SV2B: variants seen among roughly 807,000 people sequenced by gnomAD.
SV2B encodes the protein synaptic vesicle glycoprotein 2B.
A neutral mutation model predicts 73.9 loss-of-function variants in SV2B; 41 were observed. The ratio of observed to expected loss-of-function variants is 0.56; its 90% confidence interval spans 0.43 to 0.72. The LOEUF is 0.72. SV2B is among the 30% of genes least tolerant of loss of function. The pLI is 0.00. For synonymous variants in SV2B, 314 were observed against 314.2 expected, an observed-to-expected ratio of 1.00 and a Z score of 0.01; for missense variants, 764 against 857.8, an observed-to-expected ratio of 0.89 and a Z score of 1.37.
chr15:91,110,667 C>A lies in SV2B; in HGVS notation c.-392+10304C>A, dbSNP rs2042011110. Among the ~76,000 whole-genome samples, 1 of 152,170 alleles carries A rather than the reference C, an allele frequency of 6.6e-6. No homozygotes were observed. ...GCACCGTGGGGTGGCCTGCCCTAGG[C>A]AAAGTGCTGGGCCTGGGAGATGGGG... On this transcript the variant is annotated intron_variant, in intron 1 of 12. Transcript: ENST00000394232. The surrounding 1 kb of genome is among the most constrained non-coding windows in gnomAD (Gnocchi z 5.4).
chr15:91,283,957 C>A lies in SV2B; in HGVS notation c.1508-64C>A. On this transcript the variant is annotated intron_variant, in intron 10 of 12. Transcript: ENST00000394232. The surrounding 1 kb of genome is among the most constrained non-coding windows in gnomAD (Gnocchi z 4.3). ...AGGAGGGGGCAGACTTCATCCCTGCCTCTGCCTTTCTCTCTCCAGCTCCCT... is the reference window on the plus strand; with the variant it reads ...AGGAGGGGGCAGACTTCATCCCTGCATCTGCCTTTCTCTCTCCAGCTCCCT... 6.5e-7 allele frequency: 1 copy of A among 1,549,712 alleles called. No individual in the cohort carries two copies. The highest frequency in any genetic ancestry group is 8.9e-7 in the Non-Finnish European group (1 of 1,124,762).
chr15:91,199,673 G>C (rs1341583057), intron 1 of SV2B, among the ~76,000 whole-genome samples: 1 of 152,230 alleles, frequency 6.6e-6, no homozygotes, highest in Admixed American at 6.5e-5. Context: ...AGCTGAGAGG[G>C]ACCATCAGGA....
intron 1 of SV2B, among the ~76,000 whole-genome samples, chr15:91,203,761 G>C (rs917643739): frequency 6.6e-6 from 1 of 152,166 alleles, no homozygotes; most frequent in African/African-American, 2.4e-5. Flanking sequence ...CTTTTGTCAA[G>C]TTCCTGCGTG....
rs1320250509 is a variant in SV2B, at chr15:91,281,253, A to G, written c.1374-475A>G. On this transcript the variant is annotated intron_variant, in intron 9 of 12. Transcript: ENST00000394232. The surrounding 1 kb of genome is among the most constrained non-coding windows in gnomAD (Gnocchi z 4.7). ...AGGCTGCATGGATTATATTCTACCAATAGTATGAATGAAAGGCCTATTTCC... is the reference window on the plus strand; with the variant it reads ...AGGCTGCATGGATTATATTCTACCAGTAGTATGAATGAAAGGCCTATTTCC... Among the ~76,000 whole-genome samples, 1 of 152,222 alleles carries G rather than the reference A, an allele frequency of 6.6e-6. No homozygotes were observed. Among genetic ancestry groups the G allele is most frequent in the African/African-American group, 2.4e-5 (1 of 41,454 alleles).
Position 91,115,528 on chromosome 15 carries a change from T to C in SV2B, c.-392+15165T>C, listed in dbSNP as rs973581471. Among the ~76,000 whole-genome samples, 3 of 151,350 alleles carry C rather than the reference T, an allele frequency of 2.0e-5. No homozygotes were observed. The highest frequency in any genetic ancestry group is 7.3e-5 in the African/African-American group (3 of 41,126). On this transcript the variant is annotated intron_variant, in intron 1 of 12. Transcript: ENST00000394232. The surrounding 1 kb of genome is among the most constrained non-coding windows in gnomAD (Gnocchi z 4.3). ...CTGGGACCACAGGCACCCACCATCA[T>C]GCCTGGCTATTTTTTTTTTTGTATT...
intron 1 of SV2B, among the ~76,000 whole-genome samples, chr15:91,116,488 T>G (rs2042181748): frequency 1.3e-5 from 2 of 152,238 alleles, no homozygotes; most frequent in South Asian, 4.1e-4. Flanking sequence ...AGGTGTGCTC[T>G]GCATCCCGTG....
chr15:91,124,876 A>G lies in SV2B; in HGVS notation c.-392+24513A>G, dbSNP rs539011585. On this transcript the variant is annotated intron_variant, in intron 1 of 12. Coordinates refer to ENST00000394232, the MANE Select transcript of SV2B (RefSeq NM_001323032.3). This position sits in a 1 kb window ranked among gnomAD's most constrained non-coding sequence, Gnocchi z 4.6. ...ACCATGTTGGCCAGGCTGGTCTCGA[A>G]CTCCTGACTTCAAGTGATCCACCCG... Among the ~76,000 whole-genome samples, 6 of 152,162 alleles carry G rather than the reference A, an allele frequency of 3.9e-5. No homozygotes were observed. The highest frequency in any genetic ancestry group is 5.9e-5 in the Non-Finnish European group (4 of 67,984).
intron 1 of SV2B, among the ~76,000 whole-genome samples, chr15:91,166,317 G>T (rs1475948648): frequency 2.0e-5 from 3 of 152,004 alleles, no homozygotes; most frequent in Non-Finnish European, 4.4e-5. Context: ...ACACTGCCAT[G>T]CAATATGTAA....
chr15:91,284,220 T>C lies in SV2B; in HGVS notation c.1707T>C (p.Ile569=). 1 of 1,614,108 alleles carries C rather than the reference T, an allele frequency of 6.2e-7. No individual in the cohort carries two copies. Among genetic ancestry groups the C allele is most frequent in the Non-Finnish European group, 8.5e-7 (1 of 1,179,986 alleles). Residue 569 remains isoleucine, a splice_region_variant and synonymous_variant, in exon 11 of 13, where the codon ATT becomes ATC. Transcript: ENST00000394232. This position sits in a 1 kb window ranked among gnomAD's most constrained non-coding sequence, Gnocchi z 4.5. ...ATAGAATTGGAAGGCTCAAGATGATTGGTGAGTTGCCAGCAGGGTCATTCC... is the reference window on the plus strand; with the variant it reads ...ATAGAATTGGAAGGCTCAAGATGATCGGTGAGTTGCCAGCAGGGTCATTCC... The part of the protein sequence containing the change: ...LMDRIGRLKM[I]GGSMLISAVC...
At position 91,226,344 on chromosome 15, in the gene SV2B, A is replaced by G. The variant is rs745400296; in HGVS notation, c.81A>G (p.Pro27=). 4 of 1,614,174 alleles carry G rather than the reference A, an allele frequency of 2.5e-6. No individual in the cohort carries two copies. Reference sequence around the variant, plus strand: ...ATTACCGCGGCAATGAGTCCAACCCAGAAGAAGATGCACAGAGTGATGTCA... The same window carrying G: ...ATTACCGCGGCAATGAGTCCAACCCGGAAGAAGATGCACAGAGTGATGTCA... ...DGYYRGNESN[P]EEDAQSDVTE... is the part of the protein sequence containing the mutation. The change falls in exon 2 of 13, where the codon CCA becomes CCG. Residue 27 remains proline (P), a synonymous_variant. Transcript: ENST00000394232.
rs1198222702 is a variant in SV2B at position 91,223,518 on chromosome 15, T to G, written c.-391-2355T>G. ...TGCCCTGGGTGGTGAGTCCCACAAGTGCTTTTGGAATTGCAAGTCTATCAT... is the reference window on the plus strand; with the variant it reads ...TGCCCTGGGTGGTGAGTCCCACAAGGGCTTTTGGAATTGCAAGTCTATCAT... On this transcript the variant is annotated intron_variant, in intron 1 of 12. Transcript: ENST00000394232. This position sits in a 1 kb window ranked among gnomAD's most constrained non-coding sequence, Gnocchi z 4.6. Among the ~76,000 whole-genome samples the G allele has an allele frequency of 1.3e-5, 2 of 152,142 alleles. No individual in the cohort carries two copies. The highest frequency in any genetic ancestry group is 1.3e-4 in the Admixed American group (2 of 15,278).
chr15:91,173,897 A>T (rs1029936044), intron 1 of SV2B, among the ~76,000 whole-genome samples: 2 of 152,126 alleles, frequency 1.3e-5, no homozygotes. Flanking sequence ...CAGTACTTTG[A>T]TGCCTTTTTC....
intron 1 of SV2B, among the ~76,000 whole-genome samples, chr15:91,186,230 A>G (rs149607849): frequency 7.6e-4 from 116 of 152,342 alleles, no homozygotes; most frequent in African/African-American, 2.6e-3. Flanking sequence ...TGGTAACTTC[A>G]GGGCCTCTGG....
In SV2B at chr15:91,267,637, C is replaced by T. The variant is rs2141686106; in HGVS notation, c.1202C>T (p.Ala401Val). The part of the protein sequence containing the change: ...LILAVVWFAM[A>V]FSYYGLTVWF... ...CTGGCCGTGGTTTGGTTTGCCATGG[C>T]ATTCAGGTAAGTTCTGTCTTACTTA... The change falls in exon 8 of 13, where the codon GCA becomes GTA. Residue 401 changes from alanine (A) to valine (V), a missense_variant. Physicochemically the swap from Ala to Val is moderately conservative, Grantham distance 64. Coordinates refer to ENST00000394232, the MANE Select transcript of SV2B (RefSeq NM_001323032.3). The surrounding 1 kb of genome is among the most constrained non-coding windows in gnomAD (Gnocchi z 4.3). 1 of 1,611,438 alleles carries T rather than the reference C, an allele frequency of 6.2e-7. No individual in the cohort carries two copies. The highest frequency in any genetic ancestry group is 1.1e-5 in the South Asian group (1 of 90,330).
At chr15:91,116,864 A>G (rs1040932292) in intron 1 of SV2B, among the ~76,000 whole-genome samples, 1 of 152,246 alleles carries the variant, frequency 6.6e-6, no homozygotes, top group Non-Finnish European at 1.5e-5. Flanking sequence ...CATGTCTTAC[A>G]TGGCGGCAGG....
chr15:91,204,422 T>G (rs1242773195), intron 1 of SV2B, among the ~76,000 whole-genome samples: 1 of 152,166 alleles, frequency 6.6e-6, no homozygotes, highest in Non-Finnish European at 1.5e-5. Flanking sequence ...ATGCCTTTAT[T>G]TCTTTGTTTA....
intron 1 of SV2B, among the ~76,000 whole-genome samples, chr15:91,158,677 T>TCCTCTCCTCTCCTCTCCTCTTC: frequency 1.4e-5 from 1 of 73,690 alleles, no homozygotes; most frequent in African/African-American, 5.2e-5. Context: ...TTCTCTTCTC[T>TCCTCTCCTCTCCTCTCCTCTTC]TCTCTTCTCT....
At chr15:91,210,975 A>C (rs537993345) in intron 1 of SV2B, among the ~76,000 whole-genome samples, 1 of 152,292 alleles carries the variant, frequency 6.6e-6, no homozygotes, top group African/African-American at 2.4e-5. Flanking sequence ...GGTGCCCCTG[A>C]AGTGTTGGAG....
At chr15:91,276,805 G>GTTA (rs3082230) in intron 9 of SV2B, among the ~76,000 whole-genome samples, 6,865 of 92,060 alleles carry the variant, frequency 0.075, 297 homozygotes, top group East Asian at 0.19. Flanking sequence ...TATTGTTGTT[G>GTTA]TTATTATTAT....
Sources: gnomAD v4.1 joint callset for allele counts (sites outside exome capture counted in the v4.1 genomes callset) on GRCh38, gnomAD v4.1.1 for gene constraint, Gnocchi (gnomAD v3.1) non-coding constraint, MANE v1.5 for transcripts, NCBI Gene and HGNC (gene_info 2026-07-23, HGNC 2026-07-21) for gene names.